TTC39C: variants seen among roughly 807,000 people sequenced by gnomAD.
TTC39C encodes the protein tetratricopeptide repeat domain 39C, also known as tetratricopeptide repeat protein 39C.
TTC39C carries 33 observed loss-of-function variants against 76.3 expected under a neutral mutation model. The observed-to-expected ratio is 0.43, with a 90% CI of 0.33 to 0.58. The LOEUF (loss-of-function observed/expected upper bound fraction) is 0.58, where lower values mean the gene tolerates loss of function less well. TTC39C is among the 20% of genes least tolerant of loss of function. TTC39C has a pLI of 0.04. For missense variants in TTC39C, 595 were observed against 701.4 expected (o/e 0.85, Z 1.71); for synonymous variants, 254 against 260.6 (o/e 0.97, Z 0.24).
chr18:24,132,378 G>A, intron 13 of TTC39C, 107 bp from the exon 14 acceptor site: 1 of 804,616 alleles, frequency 1.2e-6, no homozygotes, highest in Non-Finnish European at 1.9e-6. Flanking sequence ...TACTGGGAGT[G>A]TAGAGATTTT....
intron 6 of TTC39C, among the ~76,000 whole-genome samples, chr18:24,105,166 A>G (rs2084731039): frequency 6.6e-6 from 1 of 152,200 alleles, no homozygotes; most frequent in Non-Finnish European, 1.5e-5. Flanking sequence ...AAATAAAAGC[A>G]CAGAAAAAGA....
chr18:24,065,889 G>T lies in TTC39C; in HGVS notation c.217-123G>T, dbSNP rs565503985. The T allele has an allele frequency of 2.5e-5, 25 of 1,015,596 alleles. No individual in the cohort carries two copies. In the Admixed American group the frequency reaches 3.6e-4, roughly 15 times the overall value. 62.9% of individuals were successfully genotyped at this position (1,015,596 alleles called of 1,614,324 possible). A position where few individuals can be genotyped will look rare whatever the true frequency, so the allele number is the denominator to read the frequency against. ...AATGAATAGATTATGCTGTAACATT[G>T]TGATTCTTTTGCTTGCAATAAATAA... On this transcript the variant is annotated intron_variant, in intron 2 of 13. Coordinates refer to ENST00000317571, the MANE Select transcript of TTC39C (RefSeq NM_001135993.2).
At chr18:24,038,015 A>G (rs1252386859) in intron 1 of TTC39C, among the ~76,000 whole-genome samples, 1 of 152,230 alleles carries the variant, frequency 6.6e-6, no homozygotes, top group Non-Finnish European at 1.5e-5. Context: ...ATGCTATGCT[A>G]CGCATCCTTA....
At chr18:24,022,261 C>T (rs2083526053) in intron 1 of TTC39C, among the ~76,000 whole-genome samples, 1 of 150,228 alleles carries the variant, frequency 6.7e-6, no homozygotes, top group South Asian at 2.3e-4. Flanking sequence ...ACTTAGAGAA[C>T]ACATTCTTTT....
chr18:24,108,344 G>A (rs985687008), intron 6 of TTC39C, among the ~76,000 whole-genome samples: 2 of 152,260 alleles, frequency 1.3e-5, no homozygotes, highest in African/African-American at 4.8e-5. Context: ...TTACAGATTC[G>A]GGGAGGGCTG....
chr18:24,068,068 G>A (rs2084189850), intron 3 of TTC39C, among the ~76,000 whole-genome samples: 1 of 151,958 alleles, frequency 6.6e-6, no homozygotes, highest in African/African-American at 2.4e-5. Context: ...ATAGTAATAT[G>A]GTCTATATTT....
chr18:24,111,525 C>T (rs1024673750), intron 6 of TTC39C, among the ~76,000 whole-genome samples: 6 of 150,540 alleles, frequency 4.0e-5, no homozygotes, highest in South Asian at 2.1e-4. Flanking sequence ...GCCAAGATCA[C>T]GCCACTGACT....
chr18:24,019,639 C>T (rs1377109956), intron 1 of TTC39C, among the ~76,000 whole-genome samples: 2 of 152,210 alleles, frequency 1.3e-5, no homozygotes, highest in Non-Finnish European at 2.9e-5. Context: ...CCAGTGTTAC[C>T]ATACAGATGG....
chr18:24,026,729 G>C (rs2083604334), intron 1 of TTC39C, among the ~76,000 whole-genome samples: 1 of 152,108 alleles, frequency 6.6e-6, no homozygotes, highest in South Asian at 2.1e-4. Context: ...GTTATTTGCT[G>C]CTCTTTCCAC....
chr18:24,011,369 G>C (rs938384785), upstream of TTC39C, among the ~76,000 whole-genome samples: 1 of 152,338 alleles, frequency 6.6e-6, no homozygotes, highest in African/African-American at 2.4e-5. Context: ...TGTTAGAGAA[G>C]CAATGCCTTC....
intron 1 of TTC39C, among the ~76,000 whole-genome samples, chr18:24,029,635 T>C (rs7226523): frequency 0.053 from 8,014 of 152,208 alleles, 557 homozygotes; most frequent in African/African-American, 0.16. Context: ...ACTTAATGTG[T>C]GGTCTTTTAT....
chr18:24,117,891 TCTGTG>T (rs1357463727), intron 7 of TTC39C, among the ~76,000 whole-genome samples: 1 of 152,206 alleles, frequency 6.6e-6, no homozygotes, highest in African/African-American at 2.4e-5. Flanking sequence ...GCCATTCTCT[TCTGTG>T]CTGTTTTATT....
intron 7 of TTC39C, among the ~76,000 whole-genome samples, chr18:24,117,693 C>T (rs2084912799): frequency 6.8e-6 from 1 of 146,132 alleles, no homozygotes; most frequent in Non-Finnish European, 1.5e-5. Context: ...CAGAGCAAGA[C>T]TCCTTCTCAA....
intron 1 of TTC39C, among the ~76,000 whole-genome samples, chr18:24,058,380 C>A (rs1055673317): frequency 6.6e-6 from 1 of 152,126 alleles, no homozygotes; most frequent in African/African-American, 2.4e-5. Context: ...AGAGGCTGGA[C>A]GCAATAGCTC....
intron 1 of TTC39C, among the ~76,000 whole-genome samples, chr18:24,055,928 C>G (rs2084010222): frequency 3.3e-5 from 5 of 152,128 alleles, no homozygotes; most frequent in Admixed American, 3.3e-4. Flanking sequence ...CATTGTTTTA[C>G]TTTTCTTTCG....
chr18:24,005,004 A>T (rs1407795107), intron 1 of TTC39C, among the ~76,000 whole-genome samples: 1 of 152,216 alleles, frequency 6.6e-6, no homozygotes, highest in Non-Finnish European at 1.5e-5. Flanking sequence ...TGCCTTCAAA[A>T]TGCCTTCTAA....
At position 24,020,272 on chromosome 18, in the gene TTC39C, T is replaced by C; in HGVS notation, c.167+5234T>C. On this transcript the variant is annotated intron_variant, in intron 1 of 13. Coordinates refer to ENST00000317571, the MANE Select transcript of TTC39C (RefSeq NM_001135993.2). ...ACTGTCTGAAAAGGTCCTAATTAAA[T>C]ATTCATTAAAGATTCATTTGGCTTG... 3 of 1,006,348 alleles carry C rather than the reference T, an allele frequency of 3.0e-6. No homozygotes were observed. In the African/African-American group the frequency reaches 5.2e-5, roughly 17 times the overall value. The allele number at this position is 1,006,348 out of a possible 1,614,324, so 62.3% of individuals were successfully genotyped here. A position where few individuals can be genotyped will look rare whatever the true frequency, so the allele number is the denominator to read the frequency against.
intron 1 of TTC39C, among the ~76,000 whole-genome samples, chr18:24,050,832 A>G (rs1247761818): frequency 6.7e-6 from 1 of 149,970 alleles, no homozygotes; most frequent in African/African-American, 2.5e-5. Flanking sequence ...AGATCATGCC[A>G]TTGCACTCTA....
At chr18:24,019,680 G>A (rs1479688106) in intron 1 of TTC39C, among the ~76,000 whole-genome samples, 1 of 152,242 alleles carries the variant, frequency 6.6e-6, no homozygotes, top group African/African-American at 2.4e-5. Context: ...GGTAAACTAT[G>A]GCCCGTGGGC....
Sources: gnomAD v4.1 joint callset for allele counts (sites outside exome capture counted in the v4.1 genomes callset) on GRCh38, gnomAD v4.1.1 for gene constraint, MANE v1.5 for transcripts, NCBI Gene and HGNC (gene_info 2026-07-23, HGNC 2026-07-21) for gene names.